The following SYNE2 variants were observed in gnomAD, a reference collection of about 807,000 sequenced individuals.
SYNE2 encodes nesprin-2.
Under a neutral mutation model 856.3 loss-of-function variants are expected in SYNE2, and 431 were observed. The ratio of observed to expected loss-of-function variants is 0.50; its 90% confidence interval spans 0.47 to 0.55. The LOEUF is 0.55. SYNE2 is among the 20% of genes least tolerant of loss of function. SYNE2 has a pLI of 0.00. For missense variants in SYNE2, 8,129 were observed against 8,023.2 expected (o/e 1.01, Z -0.50); for synonymous variants, 2,923 against 2,872.3 (o/e 1.02, Z -0.56).
chr14:64,123,387 G>A (rs1281171535), intron 70 of SYNE2, among the ~76,000 whole-genome samples: 1 of 152,214 alleles, frequency 6.6e-6, no homozygotes, highest in African/African-American at 2.4e-5. Flanking sequence ...CATTGCCTGG[G>A]CAAAGGTTAC....
chr14:64,219,177 C>CT lies in SYNE2; in HGVS notation c.19658-24dup, dbSNP rs759411384. Reference sequence around the variant, plus strand: ...GGCAGAGAAATCTGTTGCATTATTGCTTTTTTTAATTGGCGATTTTTTAAT... The same window carrying CT: ...GGCAGAGAAATCTGTTGCATTATTGCTTTTTTTTAATTGGCGATTTTTTAAT... On this transcript the variant is annotated intron_variant, in intron 109 of 115. Transcript: ENST00000555002. 13 of 1,439,560 alleles carry CT rather than the reference C, an allele frequency of 9.0e-6. No individual in the cohort carries two copies. In the Admixed American group the frequency reaches 1.5e-4, roughly 17 times the overall value. The allele number at this position is 1,439,560 out of a possible 1,614,324, so 89.2% of individuals were successfully genotyped here.
At chr14:64,218,358 C>T (rs780898563) in intron 108 of SYNE2, 40 bp from the exon 109 acceptor site, 5 of 1,545,972 alleles carry the variant, frequency 3.2e-6, no homozygotes, top group Non-Finnish European at 4.5e-6. Context: ...AGATATCCTT[C>T]ATATCTACAG....
intron 66 of SYNE2, among the ~76,000 whole-genome samples, chr14:64,114,351 G>A (rs1234066642): frequency 6.6e-6 from 1 of 152,184 alleles, no homozygotes; most frequent in African/African-American, 2.4e-5. Flanking sequence ...TCTCCCAGCT[G>A]CACTTAGGAG....
At chr14:63,959,363 T>C (rs1000961713) in intron 8 of SYNE2, among the ~76,000 whole-genome samples, 4 of 136,304 alleles carry the variant, frequency 2.9e-5, no homozygotes, top group African/African-American at 8.2e-5. Flanking sequence ...AGCGGCTCAA[T>C]CTCAGCTCAC....
chr14:64,070,352 T>C (rs1241184074), intron 51 of SYNE2, among the ~76,000 whole-genome samples: 3 of 152,216 alleles, frequency 2.0e-5, no homozygotes, highest in African/African-American at 7.2e-5. Context: ...AAATGTTGCT[T>C]TATCCATCTG....
At chr14:63,843,465 T>G (rs7154596) in intron 1 of SYNE2, among the ~76,000 whole-genome samples, 97,423 of 152,004 alleles carry the variant, frequency 0.64, 31,763 homozygotes, top group South Asian at 0.77. Context: ...TTCTTTGCTA[T>G]ATTTTAAACC....
At chr14:63,792,064 G>T (rs1887757706) in intron 1 of SYNE2, among the ~76,000 whole-genome samples, 1 of 151,962 alleles carries the variant, frequency 6.6e-6, no homozygotes, top group South Asian at 2.1e-4. Flanking sequence ...AAAATGACAT[G>T]AAACACAATA....
chr14:64,186,678 A>G, intron 97 of SYNE2, 99 bp downstream of exon 97: 1 of 1,554,278 alleles, frequency 6.4e-7, no homozygotes, highest in Non-Finnish European at 8.8e-7. Flanking sequence ...ATTGAACCGG[A>G]GGCCCTTTTC....
chr14:63,872,917 T>A (rs748402024), intron 1 of SYNE2, among the ~76,000 whole-genome samples: 1 of 152,246 alleles, frequency 6.6e-6, no homozygotes, highest in Non-Finnish European at 1.5e-5. Context: ...CATTGTTTAA[T>A]ATTCCATTGT....
At chr14:63,926,620 A>G (rs1451156562) in intron 2 of SYNE2, among the ~76,000 whole-genome samples, 2 of 152,186 alleles carry the variant, frequency 1.3e-5, no homozygotes, top group African/African-American at 4.8e-5. Context: ...GCTTGTGGGC[A>G]ATAGTTTGCT....
intron 100 of SYNE2, among the ~76,000 whole-genome samples, chr14:64,207,109 G>A (rs1163913582): frequency 1.3e-5 from 2 of 152,156 alleles, no homozygotes; most frequent in Non-Finnish European, 2.9e-5. Context: ...CACACAGGGT[G>A]GCCAAGTGGA....
At chr14:64,120,249 G>T (rs559287492) in intron 67 of SYNE2, among the ~76,000 whole-genome samples, 1 of 149,550 alleles carries the variant, frequency 6.7e-6, no homozygotes, top group South Asian at 2.1e-4. Context: ...ATCCTAATAT[G>T]TTCTCTCTTT....
intron 78 of SYNE2, among the ~76,000 whole-genome samples, chr14:64,136,593 C>T (rs937786014): frequency 3.3e-5 from 5 of 152,032 alleles, no homozygotes; most frequent in African/African-American, 1.2e-4. Context: ...TTAGCTGAAT[C>T]CAGCTGTGTT....
intron 19 of SYNE2, among the ~76,000 whole-genome samples, 155 bp from the exon 20 acceptor site, chr14:63,990,256 T>C (rs971329050): frequency 2.6e-5 from 4 of 152,222 alleles, no homozygotes; most frequent in Non-Finnish European, 4.4e-5. Flanking sequence ...ATATGAAATT[T>C]CAAAATGACT....
chr14:64,046,642 C>A (rs1401711306), intron 45 of SYNE2, among the ~76,000 whole-genome samples: 3 of 152,220 alleles, frequency 2.0e-5, no homozygotes, highest in Non-Finnish European at 2.9e-5. Flanking sequence ...AGGCATGAGC[C>A]ACTGTGCCTG....
rs764600162 is a variant in SYNE2, at chr14:63,993,820, T to TA, written c.2647-15_2647-14insA. The TA allele has an allele frequency of 6.7e-7, 1 of 1,488,384 alleles. No individual in the cohort carries two copies. The highest frequency in any genetic ancestry group is 1.9e-5 in the Admixed American group (1 of 53,884). The allele number at this position is 1,488,384 out of a possible 1,614,324, so 92.2% of individuals were successfully genotyped here. A position where few individuals can be genotyped will look rare whatever the true frequency, so the allele number is the denominator to read the frequency against. On this transcript the variant is annotated splice_polypyrimidine_tract_variant and intron_variant, in intron 21 of 115. Transcript: ENST00000555002. Reference sequence around the variant, plus strand: ...AGGCTTTTATGATTTTGTTTGCAATTTTTTTTTTTTTTAGGAAGCACTAAT... The same window carrying TA: ...AGGCTTTTATGATTTTGTTTGCAATTATTTTTTTTTTTTAGGAAGCACTAAT...
intron 115 of SYNE2, 124 bp downstream of exon 115, chr14:64,225,169 G>A (rs570884898): frequency 6.5e-7 from 1 of 1,541,766 alleles, no homozygotes; most frequent in Admixed American, 1.8e-5. Flanking sequence ...GGAAAGGGCT[G>A]GTTTTCTCCT....
rs146250766 is a variant in SYNE2, at chr14:63,890,932, C to T, written c.-51-18166C>T. ...TAGAAAGCATTTCCCGCTTATTCATCTTTGCACCCCAGTGCCTGATATAGT... is the reference window on the plus strand; with the variant it reads ...TAGAAAGCATTTCCCGCTTATTCATTTTTGCACCCCAGTGCCTGATATAGT... On this transcript the variant is annotated intron_variant, in intron 1 of 115. Transcript: ENST00000555002. Among the ~76,000 whole-genome samples, 472 of 152,318 alleles carry T rather than the reference C, an allele frequency of 3.1e-3. 3 individuals carry two copies. The highest frequency in any genetic ancestry group is 0.011 in the African/African-American group (453 of 41,572).
intron 2 of SYNE2, among the ~76,000 whole-genome samples, chr14:63,928,086 C>CT (rs1351428224): frequency 6.6e-6 from 1 of 151,158 alleles, no homozygotes; most frequent in East Asian, 1.9e-4. Context: ...AGCAGTAGGG[C>CT]TGGGGGGCCA....
Sources: allele counts gnomAD v4.1 joint callset (sites outside exome capture counted in the v4.1 genomes callset), GRCh38; gene constraint gnomAD v4.1.1; transcripts MANE v1.5; gene names NCBI Gene and HGNC (gene_info 2026-07-23, HGNC 2026-07-21).